ZFHX3: variants seen among roughly 807,000 people sequenced by gnomAD.
ZFHX3 encodes the protein zinc finger homeobox 3, also known as zinc finger homeobox protein 3.
ZFHX3 carries 42 observed loss-of-function variants against 279.1 expected under a neutral mutation model. The observed-to-expected ratio is 0.15, with a 90% confidence interval of 0.12 to 0.19. ZFHX3 has a LOEUF of 0.19. Ranked by LOEUF, ZFHX3 falls within the 10% of genes least tolerant of loss-of-function variation. The pLI, the probability that ZFHX3 is intolerant of heterozygous loss-of-function variation, is 1.00. For synonymous variants in ZFHX3, 2,293 were observed against 1,957.8 expected (o/e 1.17, Z -4.52); for missense variants, 4,981 against 4,754.0 (o/e 1.05, Z -1.40).
chr16:73,256,023 A>C (rs7403842), intron 5 of ZFHX3, among the ~76,000 whole-genome samples: 127,279 of 152,168 alleles, frequency 0.84, 53,311 homozygotes, highest in South Asian at 0.93. Flanking sequence ...GCCCAACTTT[A>C]CATAGCAAAA....
chr16:73,574,494 G>A (rs2051778765), intron 2 of ZFHX3, among the ~76,000 whole-genome samples: 1 of 152,102 alleles, frequency 6.6e-6, no homozygotes. Context: ...CAAATTCTTT[G>A]GGAGTAGAGA....
intron 1 of ZFHX3, chr16:72,973,930 AC>A (rs1962223854): frequency 6.6e-6 from 1 of 152,084 alleles, no homozygotes; most frequent in African/African-American, 2.4e-5. Flanking sequence ...ATGCAAGTGA[AC>A]CCCTGGGTTC....
At chr16:73,030,620 T>C (rs1308195847) in intron 1 of ZFHX3, among the ~76,000 whole-genome samples, 2 of 151,470 alleles carry the variant, frequency 1.3e-5, no homozygotes, top group African/African-American at 2.4e-5. Context: ...CAGAAGATAT[T>C]GTTTGAAGGG....
chr16:73,095,980 A>G (rs768620910), intron 7 of ZFHX3, among the ~76,000 whole-genome samples: 14 of 152,216 alleles, frequency 9.2e-5, no homozygotes, highest in Non-Finnish European at 1.8e-4. Flanking sequence ...TGAAATCTGA[A>G]TAAAAGCACA....
intron 4 of ZFHX3, among the ~76,000 whole-genome samples, chr16:73,284,034 C>T (rs940447594): frequency 2.0e-4 from 31 of 151,944 alleles, no homozygotes; most frequent in African/African-American, 7.2e-4. Context: ...TAAATATGAT[C>T]CTGGCCAGGC....
At chr16:72,818,855 T>C (rs2036695530) in intron 5 of ZFHX3, among the ~76,000 whole-genome samples, 1 of 152,146 alleles carries the variant, frequency 6.6e-6, no homozygotes, top group Admixed American at 6.5e-5. Context: ...CTTACAAAGG[T>C]ATGGCAAGAC....
intron 5 of ZFHX3, among the ~76,000 whole-genome samples, chr16:73,206,875 G>A (rs138525919): frequency 9.7e-4 from 147 of 151,906 alleles, no homozygotes; most frequent in African/African-American, 3.3e-3. Context: ...AAAATTATCC[G>A]GGTGTGATGG....
intron 2 of ZFHX3, among the ~76,000 whole-genome samples, chr16:73,491,698 C>T (rs1000165758): frequency 3.9e-5 from 6 of 152,088 alleles, no homozygotes; most frequent in African/African-American, 9.7e-5. Flanking sequence ...TGGTCTAACT[C>T]GTTGCTTGTC....
At chr16:73,234,788 C>A (rs749001521) in intron 5 of ZFHX3, among the ~76,000 whole-genome samples, 1 of 152,160 alleles carries the variant, frequency 6.6e-6, no homozygotes, top group Non-Finnish European at 1.5e-5. Flanking sequence ...GTTTCTTGAC[C>A]TTGTTGGGGT....
chr16:72,935,661 GA>G (rs887398158), intron 3 of ZFHX3, among the ~76,000 whole-genome samples: 12 of 151,956 alleles, frequency 7.9e-5, no homozygotes, highest in African/African-American at 2.4e-4. Flanking sequence ...TTGAACTCGG[GA>G]GGGGGGGGTT....
chr16:73,139,633 T>C (rs1966841219), intron 6 of ZFHX3, among the ~76,000 whole-genome samples: 1 of 152,156 alleles, frequency 6.6e-6, no homozygotes, highest in African/African-American at 2.4e-5. Context: ...GGGAAAGAGC[T>C]TTGGCTGGGT....
intron 2 of ZFHX3, among the ~76,000 whole-genome samples, chr16:73,653,561 T>C (rs1488345968): frequency 2.0e-5 from 3 of 151,510 alleles, no homozygotes; most frequent in South Asian, 2.1e-4. Context: ...ACACTACATA[T>C]AAAAACTTGT....
intron 4 of ZFHX3, among the ~76,000 whole-genome samples, chr16:72,883,448 A>T (rs1321072443): frequency 1.3e-5 from 2 of 152,200 alleles, no homozygotes; most frequent in African/African-American, 4.8e-5. Context: ...CACATCTGAC[A>T]TTCTGTTAGA....
Position 72,795,198 on chromosome 16 carries a change from G to T in ZFHX3, c.7484C>A (p.Pro2495His), listed in dbSNP as rs1445297530. Residue 2495 changes from proline to histidine, a missense_variant, in exon 9 of 10, where the codon CCC (proline) becomes CAC (histidine). Physicochemically the swap from Pro to His is moderately conservative, Grantham distance 77. This residue lies in a region of ZFHX3 where 744 missense variants were observed against 701.3 expected (regional missense o/e 1.06). Coordinates refer to ENST00000268489, the MANE Select transcript of ZFHX3 (RefSeq NM_006885.4). ...PQAPPPQCPL[P>H]QSSPSPSQLS... is the part of the protein sequence containing the mutation. ...CTGGGAAGGACTGGGGCTCGACTGG[G>T]GTAAGGGGCACTGTGGAGGGGGCGC... is the stretch of plus-strand genomic sequence containing the variant. 1 of 1,607,888 alleles carries T rather than the reference G, an allele frequency of 6.2e-7. No individual in the cohort carries two copies. The highest frequency in any genetic ancestry group is 8.5e-7 in the Non-Finnish European group (1 of 1,176,806).
rs748409343 is a variant in ZFHX3 at position 72,959,435 on chromosome 16, T to A, written c.711A>T (p.Arg237=). The change falls in exon 2 of 10, where the codon CGA becomes CGT. Residue 237 remains arginine (R), a synonymous_variant. Coordinates refer to ENST00000268489, the MANE Select transcript of ZFHX3 (RefSeq NM_006885.4). The part of the protein sequence containing the change: ...VLHSFRVFDV[R]HKSNKDYLNS... ...TCAGGTAATCCTTGTTGCTTTTGTG[T>A]CGCACGTCAAACACGCGGAAGCTGT... is the stretch of plus-strand genomic sequence containing the variant. 158 of 1,614,098 alleles carry A rather than the reference T, an allele frequency of 9.8e-5. No homozygotes were observed. The highest frequency in any genetic ancestry group is 4.0e-4 in the Admixed American group (24 of 60,014).
chr16:73,588,092 C>T (rs577840577), intron 2 of ZFHX3, among the ~76,000 whole-genome samples: 4 of 146,852 alleles, frequency 2.7e-5, no homozygotes, highest in African/African-American at 8.2e-5. Context: ...AAATCAACAA[C>T]GTAAGGTAAC....
At chr16:72,954,461 T>C (rs1469311916) in intron 2 of ZFHX3, among the ~76,000 whole-genome samples, 1 of 152,072 alleles carries the variant, frequency 6.6e-6, no homozygotes, top group Non-Finnish European at 1.5e-5. Flanking sequence ...CATCTCTGGG[T>C]ATGCACCTAA....
chr16:73,846,760 C>G (rs1961459530), intron 1 of ZFHX3, among the ~76,000 whole-genome samples: 1 of 151,930 alleles, frequency 6.6e-6, no homozygotes, highest in Non-Finnish European at 1.5e-5. Flanking sequence ...TGGAAAAGGT[C>G]CTGGTATAGG....
At chr16:73,706,516 C>T (rs1045155939) in intron 1 of ZFHX3, among the ~76,000 whole-genome samples, 1 of 151,886 alleles carries the variant, frequency 6.6e-6, no homozygotes, top group Non-Finnish European at 1.5e-5. Context: ...CATCTTTCAT[C>T]CATGGCCCTG....
Sources: gnomAD v4.1 joint callset for allele counts (sites outside exome capture counted in the v4.1 genomes callset) on GRCh38, gnomAD v4.1.1 for gene constraint, gnomAD v4.1.1 regional missense constraint, MANE v1.5 for transcripts, NCBI Gene and HGNC (gene_info 2026-07-23, HGNC 2026-07-21) for gene names.